ADAM12: variants seen among roughly 807,000 people sequenced by gnomAD.
ADAM12 encodes disintegrin and metalloproteinase domain-containing protein 12.
Under a neutral mutation model 106.4 loss-of-function variants are expected in ADAM12, and 70 were observed. The observed-to-expected ratio is 0.66, with a 90% confidence interval of 0.54 to 0.80. The LOEUF is 0.80. ADAM12 is among the 30% of genes least tolerant of loss of function. ADAM12 has a pLI of 0.00. For synonymous variants in ADAM12, 420 were observed against 433.5 expected (o/e 0.97, Z 0.39); for missense variants, 1,010 against 1,171.9 (o/e 0.86, Z 2.02).
chr10:126,156,667 G>A (rs950389765), intron 3 of ADAM12, among the ~76,000 whole-genome samples: 8 of 152,236 alleles, frequency 5.3e-5, no homozygotes, highest in East Asian at 1.9e-4. Context: ...TTCTGGGTGC[G>A]TGGATGTGCT....
intron 4 of ADAM12, 109 bp downstream of exon 4, chr10:126,155,118 C>T: frequency 8.1e-7 from 1 of 1,240,320 alleles, no homozygotes; most frequent in Non-Finnish European, 1.2e-6. Context: ...TTGGGGGGGC[C>T]TAAGTTAAGA....
chr10:126,341,069 C>T (rs904599591), intron 1 of ADAM12, among the ~76,000 whole-genome samples: 3 of 152,098 alleles, frequency 2.0e-5, no homozygotes, highest in East Asian at 1.9e-4. Context: ...CTCAAACCTT[C>T]GCATGCCCCC....
chr10:126,157,641 A>G (rs2133730017), intron 3 of ADAM12, among the ~76,000 whole-genome samples: 1 of 152,332 alleles, frequency 6.6e-6, no homozygotes. Context: ...ACGGGCCCTC[A>G]CACTCACTGG....
intron 3 of ADAM12, among the ~76,000 whole-genome samples, chr10:126,225,355 A>G (rs896235600): frequency 2.6e-5 from 4 of 152,228 alleles, no homozygotes; most frequent in African/African-American, 9.6e-5. Context: ...TGAAAGCTGA[A>G]TGCTCTCTGC....
chr10:126,074,302 C>T (rs1203539286), intron 11 of ADAM12, among the ~76,000 whole-genome samples: 1 of 152,094 alleles, frequency 6.6e-6, no homozygotes. Context: ...GCCTGTTTCC[C>T]AAAGGAGCAG....
intron 10 of ADAM12, among the ~76,000 whole-genome samples, chr10:126,094,825 C>A (rs986579041): frequency 1.3e-5 from 2 of 152,120 alleles, no homozygotes; most frequent in Admixed American, 1.3e-4. Flanking sequence ...CTGACTCTTG[C>A]GGCTGGGGGT....
chr10:126,380,239 T>C (rs963726981), intron 1 of ADAM12, among the ~76,000 whole-genome samples: 5 of 152,334 alleles, frequency 3.3e-5, no homozygotes, highest in Middle Eastern at 3.4e-3. Context: ...AGTATGAAGA[T>C]TGAAATGGCA....
chr10:126,289,625 G>A (rs1335479339), intron 2 of ADAM12, among the ~76,000 whole-genome samples: 3 of 152,196 alleles, frequency 2.0e-5, no homozygotes, highest in South Asian at 4.1e-4. Context: ...AGCATCCTAG[G>A]TTGAAAGTTT....
In ADAM12 at chr10:126,049,590, C is replaced by A. The variant is rs781611901; in HGVS notation, c.1689G>T (p.Ser563=). The A allele has an allele frequency of 3.1e-6, 5 of 1,614,212 alleles. No homozygotes were observed. The highest frequency in any genetic ancestry group is 3.4e-6 in the Non-Finnish European group (4 of 1,180,042). ...TCTCGCATTTGGCAAAGGAACTCTT[C>A]GAGACTTTGCCACAGTTGCCATAAG... is the stretch of plus-strand genomic sequence containing the variant. ...GDPYGNCGKV[S]KSSFAKCEMR... The change falls in exon 15 of 23, where the codon TCG becomes TCT. Residue 563 remains serine, a synonymous_variant. Coordinates refer to ENST00000448723, the MANE Select transcript of ADAM12 (RefSeq NM_001288973.2). The surrounding 1 kb of genome is among the most constrained non-coding windows in gnomAD (Gnocchi z 4.4).
At chr10:126,285,964 T>A (rs1027664341) in intron 2 of ADAM12, among the ~76,000 whole-genome samples, 2 of 124,882 alleles carry the variant, frequency 1.6e-5, no homozygotes, top group Admixed American at 1.0e-4. Context: ...GCTGATTAGA[T>A]TGATTTCCCT....
chr10:126,214,427 C>T (rs1356936936), intron 3 of ADAM12, among the ~76,000 whole-genome samples: 3 of 152,138 alleles, frequency 2.0e-5, no homozygotes, highest in Non-Finnish European at 4.4e-5. Flanking sequence ...ACATATAGTA[C>T]CTATTATATA....
intron 2 of ADAM12, among the ~76,000 whole-genome samples, chr10:126,328,536 G>A (rs1326955998): frequency 2.0e-5 from 3 of 152,128 alleles, no homozygotes; most frequent in African/African-American, 4.8e-5. Context: ...GTACACACAC[G>A]TAACAGACAT....
At chr10:126,093,350 C>T (rs760199345) in intron 11 of ADAM12, among the ~76,000 whole-genome samples, 10 of 152,176 alleles carry the variant, frequency 6.6e-5, no homozygotes, top group Non-Finnish European at 1.3e-4. Context: ...TTGCTCTTTT[C>T]TGGTTGAACC....
At chr10:126,353,764 T>C (rs992795716) in intron 1 of ADAM12, among the ~76,000 whole-genome samples, 5 of 152,228 alleles carry the variant, frequency 3.3e-5, no homozygotes, top group African/African-American at 1.2e-4. Context: ...GATTTCATAA[T>C]GAACTCTCCA....
intron 3 of ADAM12, among the ~76,000 whole-genome samples, chr10:126,164,083 A>G (rs1242593054): frequency 2.0e-5 from 3 of 152,346 alleles, no homozygotes; most frequent in Non-Finnish European, 4.4e-5. Context: ...CATGTTATCA[A>G]TTTCAAACTG....
chr10:126,094,594 A>G lies in ADAM12; in HGVS notation c.997-461T>C, dbSNP rs537666493. ...GCAAGCACGCTTAATGACATTCTAA[A>G]TGAGCCCTGAGAGGTTGTCATTGAG... On this transcript the variant is annotated intron_variant, in intron 10 of 22. Transcript: ENST00000448723. 7.2e-5 allele frequency among the ~76,000 whole-genome samples: 11 copies of G among 152,338 alleles called. No individual in the cohort carries two copies. The South Asian group carries it at 1.5e-3, about 20-fold the overall frequency.
chr10:126,101,786 A>G (rs933272589), intron 8 of ADAM12, among the ~76,000 whole-genome samples: 2 of 152,222 alleles, frequency 1.3e-5, no homozygotes, highest in African/African-American at 4.8e-5. Context: ...TTAATAAAAT[A>G]AAGAAGTCAA....
At chr10:126,120,612 A>G (rs2133627792) in intron 5 of ADAM12, among the ~76,000 whole-genome samples, 1 of 152,146 alleles carries the variant, frequency 6.6e-6, no homozygotes. Context: ...TCTATAGTTT[A>G]GGCAGATAAG....
At chr10:126,371,173 C>T (rs1856103981) in intron 1 of ADAM12, among the ~76,000 whole-genome samples, 1 of 152,178 alleles carries the variant, frequency 6.6e-6, no homozygotes, top group South Asian at 2.1e-4. Flanking sequence ...GTGCCTGCCT[C>T]CCAGGGCATG....
Sources: gnomAD v4.1 joint callset for allele counts (sites outside exome capture counted in the v4.1 genomes callset) on GRCh38, gnomAD v4.1.1 for gene constraint, Gnocchi (gnomAD v3.1) non-coding constraint, MANE v1.5 for transcripts, NCBI Gene and HGNC (gene_info 2026-07-23, HGNC 2026-07-21) for gene names.